RGS7BP: variants seen among roughly 807,000 people sequenced by gnomAD.
RGS7BP encodes the protein regulator of G protein signaling 7-binding protein.
Under a neutral mutation model 31.3 loss-of-function variants are expected in RGS7BP, and 9 were observed. That is an observed-to-expected ratio of 0.29 (90% CI 0.17 to 0.50). The LOEUF (loss-of-function observed/expected upper bound fraction) is 0.50. Ranked by LOEUF, RGS7BP falls within the 20% of genes least tolerant of loss-of-function variation. The probability of loss-of-function intolerance (pLI) is 0.98; values close to 1 mark genes in which losing one functional copy is unlikely to be tolerated. For missense variants in RGS7BP, 274 were observed against 322.0 expected, an observed-to-expected ratio of 0.85 and a Z score of 1.14; for synonymous variants, 115 against 120.1, an observed-to-expected ratio of 0.96 and a Z score of 0.28.
intron 2 of RGS7BP, among the ~76,000 whole-genome samples, chr5:64,514,250 C>T (rs1748914747): frequency 6.6e-6 from 1 of 151,780 alleles, no homozygotes. Context: ...TAATTATTTA[C>T]ACCTGCAATG....
intron 5 of RGS7BP, among the ~76,000 whole-genome samples, chr5:64,606,104 T>G (rs996779781): frequency 1.3e-5 from 2 of 150,742 alleles, no homozygotes; most frequent in African/African-American, 4.9e-5. Context: ...GGCTGTGCTA[T>G]TGAAAGGTTT....
At chr5:64,570,214 C>A (rs979524546) in intron 2 of RGS7BP, among the ~76,000 whole-genome samples, 58 of 152,126 alleles carry the variant, frequency 3.8e-4, no homozygotes, top group African/African-American at 1.3e-3. Context: ...TAAGTAAACA[C>A]AAGTTTGATA....
At chr5:64,548,393 T>C (rs1176463605) in intron 2 of RGS7BP, among the ~76,000 whole-genome samples, 7 of 152,222 alleles carry the variant, frequency 4.6e-5, no homozygotes, top group Non-Finnish European at 8.8e-5. Flanking sequence ...ACAAAAATGT[T>C]TGACACGTTT....
At chr5:64,534,009 G>A (rs918135392) in intron 2 of RGS7BP, among the ~76,000 whole-genome samples, 7 of 152,178 alleles carry the variant, frequency 4.6e-5, no homozygotes, top group African/African-American at 9.7e-5. Flanking sequence ...TGTGTATAAG[G>A]ACAGTAATAG....
At chr5:64,602,907 C>T (rs1360576657) in intron 5 of RGS7BP, among the ~76,000 whole-genome samples, 1 of 152,082 alleles carries the variant, frequency 6.6e-6, no homozygotes, top group East Asian at 1.9e-4. Flanking sequence ...ATGAGTAGCA[C>T]TTAGCCAAAG....
Position 64,506,904 on chromosome 5 carries a change from AT to A in RGS7BP, c.165+116del, listed in dbSNP as rs1748701006. 1.0e-6 allele frequency: 1 copy of A among 975,160 alleles called. No individual in the cohort carries two copies. Among genetic ancestry groups the A allele is most frequent in the Admixed American group, 2.7e-5 (1 of 36,742 alleles). 60.4% of individuals were successfully genotyped at this position (975,160 alleles called of 1,614,324 possible). On this transcript the variant is annotated intron_variant, in intron 1 of 5. Transcript: ENST00000334025. This position sits in a 1 kb window ranked among gnomAD's most constrained non-coding sequence, Gnocchi z 4.6. ...CCACTCCCCCACCCTCAGCTCCTCA[AT>A]GCCGATCACGTGGCACATGCACTAT...
chr5:64,532,105 T>C (rs1362431011), intron 2 of RGS7BP, among the ~76,000 whole-genome samples: 2 of 152,210 alleles, frequency 1.3e-5, no homozygotes, highest in Non-Finnish European at 2.9e-5. Context: ...CTTTTTGGCA[T>C]GCTTACTGTC....
At chr5:64,528,388 A>G (rs150083422) in intron 2 of RGS7BP, among the ~76,000 whole-genome samples, 48 of 152,334 alleles carry the variant, frequency 3.2e-4, no homozygotes, top group African/African-American at 1.1e-3. Flanking sequence ...TCAGTGAAAA[A>G]GATTAGGTCA....
At chr5:64,549,971 A>C (rs943004227) in intron 2 of RGS7BP, among the ~76,000 whole-genome samples, 3 of 152,174 alleles carry the variant, frequency 2.0e-5, no homozygotes, top group Non-Finnish European at 4.4e-5. Flanking sequence ...TCCACAAAAC[A>C]CGAGAAAACA....
intron 2 of RGS7BP, among the ~76,000 whole-genome samples, chr5:64,560,650 C>T (rs1479393265): frequency 6.6e-6 from 1 of 151,648 alleles, no homozygotes; most frequent in Non-Finnish European, 1.5e-5. Flanking sequence ...ATTTGAAGAC[C>T]ACTTGTCTCA....
chr5:64,596,011 T>C (rs1743055626), intron 4 of RGS7BP, among the ~76,000 whole-genome samples: 1 of 152,166 alleles, frequency 6.6e-6, no homozygotes, highest in African/African-American at 2.4e-5. Context: ...GAGGGAGTGA[T>C]TTATCTTAAT....
chr5:64,516,399 T>G (rs1175453547), intron 2 of RGS7BP, among the ~76,000 whole-genome samples: 1 of 152,182 alleles, frequency 6.6e-6, no homozygotes, highest in African/African-American at 2.4e-5. Flanking sequence ...TGTGGCCACC[T>G]GTTAGTTCAC....
chr5:64,594,580 G>A, intron 3 of RGS7BP, 130 bp from the exon 4 acceptor site: 1 of 775,588 alleles, frequency 1.3e-6, no homozygotes, highest in South Asian at 1.7e-5. Flanking sequence ...TTATTACTCA[G>A]AAAGCTATTA....
rs116657256 is a variant in RGS7BP at position 64,529,254 on chromosome 5, C to T, written c.332+21377C>T. ...CAGAAAGAATGCCTTAGAGAAATGA[C>T]GAGCTGCTGATAAAGGAAATGACTT... On this transcript the variant is annotated intron_variant, in intron 2 of 5. Transcript: ENST00000334025. Among the ~76,000 whole-genome samples the T allele has an allele frequency of 4.1e-3, 627 of 152,108 alleles. 2 individuals are homozygous for T. The highest frequency in any genetic ancestry group is 0.015 in the African/African-American group (612 of 41,498).
At chr5:64,583,588 A>G (rs1175862072) in intron 3 of RGS7BP, among the ~76,000 whole-genome samples, 1 of 152,198 alleles carries the variant, frequency 6.6e-6, no homozygotes, top group Non-Finnish European at 1.5e-5. Context: ...AAATAATTGA[A>G]ATAGAATGGA....
intron 5 of RGS7BP, among the ~76,000 whole-genome samples, chr5:64,606,647 T>C (rs1743374109): frequency 1.3e-5 from 2 of 152,076 alleles, no homozygotes; most frequent in East Asian, 1.9e-4. Context: ...GTTAAGTACA[T>C]TGATCAATTC....
chr5:64,603,800 T>C (rs1251389622), intron 5 of RGS7BP, among the ~76,000 whole-genome samples: 1 of 152,144 alleles, frequency 6.6e-6, no homozygotes, highest in Non-Finnish European at 1.5e-5. Flanking sequence ...TTAAGACTTT[T>C]ATAAAGAGTT....
intron 2 of RGS7BP, among the ~76,000 whole-genome samples, chr5:64,513,593 C>T (rs927675098): frequency 9.9e-5 from 15 of 152,270 alleles, no homozygotes; most frequent in African/African-American, 3.4e-4. Flanking sequence ...CCAGCAGCAA[C>T]GATGTATGGT....
chr5:64,507,779 G>A lies in RGS7BP; in HGVS notation c.234G>A (p.Ser78=), dbSNP rs975827727. 7 of 1,613,716 alleles carry A rather than the reference G, an allele frequency of 4.3e-6. No individual in the cohort carries two copies. The Admixed American group carries it at 8.3e-5, about 19-fold the overall frequency. Residue 78 remains serine, a synonymous_variant, in exon 2 of 6, where the codon TCG becomes TCA. Coordinates refer to ENST00000334025, the MANE Select transcript of RGS7BP (RefSeq NM_001029875.3). ...TGGTCATTTCTATTGGGGATGTCTCGGTCAGCTGCCCCTCACTCCGGGCGG... is the reference window on the plus strand; with the variant it reads ...TGGTCATTTCTATTGGGGATGTCTCAGTCAGCTGCCCCTCACTCCGGGCGG... ...RELVISIGDV[S]VSCPSLRAEM... is the part of the protein sequence containing the mutation.
Sources: gnomAD v4.1 joint callset for allele counts (sites outside exome capture counted in the v4.1 genomes callset) on GRCh38, gnomAD v4.1.1 for gene constraint, Gnocchi (gnomAD v3.1) non-coding constraint, MANE v1.5 for transcripts, NCBI Gene and HGNC (gene_info 2026-07-23, HGNC 2026-07-21) for gene names.